Variants in WFDC5 observed in about 807,000 individuals in gnomAD.
WFDC5 encodes WAP four-disulfide core domain 5, also known as WAP four-disulfide core domain protein 5.
A neutral mutation model predicts 15.7 loss-of-function variants in WFDC5; 15 were observed. The observed-to-expected ratio is 0.96, with a 90% confidence interval of 0.64 to 1.47. The LOEUF (loss-of-function observed/expected upper bound fraction) is 1.47, where lower values mean the gene tolerates loss of function less well. WFDC5 is among the 40% of genes most tolerant of loss of function. The pLI is 0.00. For missense variants in WFDC5, 280 were observed against 258.0 expected (o/e 1.09, Z -0.59); for synonymous variants, 109 against 107.7 (o/e 1.01, Z -0.07).
intron 3 of WFDC5, 70 bp from the exon 4 acceptor site, chr20:45,110,083 A>G: frequency 6.4e-7 from 1 of 1,569,378 alleles, no homozygotes; most frequent in Non-Finnish European, 8.6e-7. Flanking sequence ...TTGGTCTCCC[A>G]TCCATGCCCC....
intron 1 of WFDC5, among the ~76,000 whole-genome samples, chr20:45,113,624 G>A (rs1981679062): frequency 6.6e-6 from 1 of 152,232 alleles, no homozygotes; most frequent in Admixed American, 6.5e-5. Context: ...CAAGGAGTAA[G>A]TCTCCAGACC....
intron 1 of WFDC5, among the ~76,000 whole-genome samples, chr20:45,112,874 T>C (rs1172491759): frequency 2.0e-5 from 3 of 152,150 alleles, no homozygotes; most frequent in Non-Finnish European, 4.4e-5. Flanking sequence ...TTTATAAACA[T>C]ATATAAACAG....
intron 1 of WFDC5, 26 bp downstream of exon 1, chr20:45,114,973 C>T (rs375548805): frequency 1.2e-6 from 2 of 1,610,820 alleles, no homozygotes; most frequent in East Asian, 2.2e-5. Flanking sequence ...TCTGGTCCCC[C>T]CAGCAGAGGG....
chr20:45,112,253 G>A (rs541459276), intron 1 of WFDC5, among the ~76,000 whole-genome samples: 3 of 152,304 alleles, frequency 2.0e-5, no homozygotes, highest in Admixed American at 2.0e-4. Context: ...AAGGTGCGCA[G>A]GCCTCAAAGG....
exon 4 of WFDC5, chr20:45,109,714 C>T (rs1309123048): frequency 2.1e-5 from 15 of 714,776 alleles, no homozygotes; most frequent in Admixed American, 6.0e-5. Context: ...GCAGCATGTA[C>T]GGATTGGTGT....
chr20:45,112,464 C>T (rs534012108), intron 1 of WFDC5, among the ~76,000 whole-genome samples: 12 of 152,060 alleles, frequency 7.9e-5, no homozygotes, highest in Non-Finnish European at 1.6e-4. Context: ...TGTGCAGAGC[C>T]GGCGTGAGAG....
At chr20:45,114,266 GA>G in intron 1 of WFDC5, among the ~76,000 whole-genome samples, 1 of 152,284 alleles carries the variant, frequency 6.6e-6, no homozygotes, top group East Asian at 1.9e-4. Context: ...TCCAGCCCCA[GA>G]AAAGGACGCA....
exon 1 of WFDC5, chr20:45,115,109 G>A (rs1388942867): frequency 6.2e-7 from 1 of 1,606,406 alleles, no homozygotes; most frequent in Non-Finnish European, 8.5e-7. Flanking sequence ...TCAGGGCCCA[G>A]GGCCCCCCAG....
chr20:45,112,720 A>G (rs894070933), intron 1 of WFDC5, among the ~76,000 whole-genome samples: 2 of 152,228 alleles, frequency 1.3e-5, no homozygotes, highest in African/African-American at 4.8e-5. Flanking sequence ...AGATCTAGAC[A>G]CACAATTAGC....
upstream of WFDC5, chr20:45,115,234 G>A (rs141477139): frequency 5.6e-4 from 368 of 652,900 alleles, no homozygotes; most frequent in African/African-American, 6.2e-3. Context: ...GAGGGCCCGA[G>A]GACTCAGTGC....
At chr20:45,109,958 C>A (rs758798647) in exon 4 of WFDC5, 19 of 1,614,118 alleles carry the variant, frequency 1.2e-5, no homozygotes, top group Middle Eastern at 1.6e-4. Context: ...ATCGTGAACT[C>A]TTTCCGTTGG....
chr20:45,110,966 C>T (rs953984828), intron 1 of WFDC5, among the ~76,000 whole-genome samples, 191 bp from the exon 2 acceptor site: 14 of 152,212 alleles, frequency 9.2e-5, no homozygotes, highest in Non-Finnish European at 2.1e-4. Context: ...AAATGGGAAG[C>T]TGGGCTAGTT....
Position 45,114,995 on chromosome 20 carries a change from T to C in WFDC5, c.85+4A>G. 1 of 1,613,240 alleles carries C rather than the reference T, an allele frequency of 6.2e-7. No homozygotes were observed. The highest frequency in any genetic ancestry group is 8.5e-7 in the Non-Finnish European group (1 of 1,179,630). On this transcript the variant is annotated splice_donor_region_variant and intron_variant, in intron 1 of 3. Coordinates refer to ENST00000307971, the Ensembl canonical transcript of WFDC5. ...CCCCCAGCAGAGGGATTTCCCGCAC[T>C]CACCTCCCTTCTTCCTGCCAAAGAC...
At chr20:45,115,221 CCT>C, upstream of WFDC5, 1 of 731,292 alleles carries the variant, frequency 1.4e-6, no homozygotes, top group Non-Finnish European at 2.2e-6. Context: ...GGCCCCACCC[CCT>C]GAGGGCCCGA....
At chr20:45,110,579 A>G (rs777581728) in intron 2 of WFDC5, 39 bp from the exon 3 acceptor site, 1 of 1,614,070 alleles carries the variant, frequency 6.2e-7, no homozygotes, top group Non-Finnish European at 8.5e-7. Context: ...GTCCTTGCCC[A>G]CTGGCCCTGA....
At chr20:45,110,092 C>G in intron 3 of WFDC5, 79 bp from the exon 4 acceptor site, 1 of 1,555,062 alleles carries the variant, frequency 6.4e-7, no homozygotes, top group Non-Finnish European at 8.7e-7. Flanking sequence ...CATCCATGCC[C>G]CACCAGCTCA....
intron 1 of WFDC5, among the ~76,000 whole-genome samples, chr20:45,112,649 T>C (rs1981653068): frequency 6.6e-6 from 1 of 152,136 alleles, no homozygotes. Flanking sequence ...CCAAACATGG[T>C]TAAATATATA....
Position 45,114,895 on chromosome 20 carries a change from A to G in WFDC5, c.85+104T>C. On this transcript the variant is annotated intron_variant, in intron 1 of 3. Transcript: ENST00000307971. ...CGCACGCACGCACACACACACGCGC[A>G]CACACACCCCACAGGGCATTACCTG... 3.2e-6 allele frequency: 4 copies of G among 1,242,208 alleles called. No homozygotes were observed. The South Asian group carries it at 5.5e-5, about 17-fold the overall frequency. 76.9% of individuals were successfully genotyped at this position (1,242,208 alleles called of 1,614,324 possible). A position where few individuals can be genotyped will look rare whatever the true frequency, so the allele number is the denominator to read the frequency against.
chr20:45,114,618 T>G (rs1981707589), intron 1 of WFDC5, among the ~76,000 whole-genome samples: 1 of 151,840 alleles, frequency 6.6e-6, no homozygotes, highest in Non-Finnish European at 1.5e-5. Context: ...CAGCCATTCC[T>G]AAGTGTACGT....
Sources: gnomAD v4.1 joint callset for allele counts (sites outside exome capture counted in the v4.1 genomes callset) on GRCh38, gnomAD v4.1.1 for gene constraint, MANE v1.5 for transcripts, NCBI Gene and HGNC (gene_info 2026-07-23, HGNC 2026-07-21) for gene names.